Variants in PDZRN3 observed in about 807,000 individuals in gnomAD.
PDZRN3 encodes the protein PDZ domain containing ring finger 3, also known as E3 ubiquitin-protein ligase PDZRN3.
A neutral mutation model predicts 85.7 loss-of-function variants in PDZRN3; 38 were observed. The ratio of observed to expected loss-of-function variants is 0.44; its 90% CI spans 0.34 to 0.58. PDZRN3 has a LOEUF of 0.58. Among genes scored for constraint, PDZRN3 ranks in the 20% least tolerant of loss-of-function variants. The pLI is 0.01. For synonymous variants in PDZRN3, 759 were observed against 638.0 expected, an observed-to-expected ratio of 1.19 and a Z score of -2.86; for missense variants, 1,629 against 1,506.4, an observed-to-expected ratio of 1.08 and a Z score of -1.35.
intron 3 of PDZRN3, among the ~76,000 whole-genome samples, chr3:73,475,804 A>C (rs1703437822): frequency 6.6e-6 from 1 of 152,240 alleles, no homozygotes; most frequent in Non-Finnish European, 1.5e-5. Flanking sequence ...TATTAAAGTA[A>C]AAGCTGGAGT....
intron 3 of PDZRN3, among the ~76,000 whole-genome samples, chr3:73,414,631 T>G (rs1235346033): frequency 6.6e-6 from 1 of 152,234 alleles, no homozygotes; most frequent in African/African-American, 2.4e-5. Context: ...TTTTAGTGGT[T>G]CAAAACAAAC....
At chr3:73,469,011 A>T (rs189796891) in intron 3 of PDZRN3, among the ~76,000 whole-genome samples, 1 of 151,852 alleles carries the variant, frequency 6.6e-6, no homozygotes, top group African/African-American at 2.4e-5. Context: ...GATTATACTT[A>T]TTATTACTAG....
chr3:73,445,046 G>T (rs1702721151), intron 3 of PDZRN3, among the ~76,000 whole-genome samples: 1 of 152,256 alleles, frequency 6.6e-6, no homozygotes, highest in African/African-American at 2.4e-5. Context: ...CTGAAGTGAA[G>T]CAGGAAGGTA....
chr3:73,516,104 T>A (rs2106717938), intron 3 of PDZRN3, among the ~76,000 whole-genome samples: 1 of 152,354 alleles, frequency 6.6e-6, no homozygotes, highest in East Asian at 1.9e-4. Context: ...ATTTAACATT[T>A]ATCTTGTTTC....
chr3:73,465,966 G>A (rs1703204431), intron 3 of PDZRN3, among the ~76,000 whole-genome samples: 1 of 152,140 alleles, frequency 6.6e-6, no homozygotes, highest in South Asian at 2.1e-4. Flanking sequence ...AAAACAAGTA[G>A]ACCTTAAAAT....
intron 3 of PDZRN3, among the ~76,000 whole-genome samples, chr3:73,420,282 G>A (rs1223059567): frequency 6.6e-6 from 1 of 152,158 alleles, no homozygotes; most frequent in African/African-American, 2.4e-5. Context: ...ACTTGGCACT[G>A]GCCACCCCAA....
chr3:73,543,034 G>A (rs749467622), intron 3 of PDZRN3, among the ~76,000 whole-genome samples: 1 of 152,108 alleles, frequency 6.6e-6, no homozygotes, highest in Non-Finnish European at 1.5e-5. Context: ...ATTTTACCTG[G>A]ATAAATGCAA....
At position 73,489,767 on chromosome 3, in the gene PDZRN3, T is replaced by C. The variant is rs370706192; in HGVS notation, c.919-85372A>G. On this transcript the variant is annotated intron_variant, in intron 3 of 9. Transcript: ENST00000263666. ...TTTGTATTTTTAGTAGAGATGGTGT[T>C]TCATCAGTTGGCCAGGCTGGTCTCC... Among the ~76,000 whole-genome samples the C allele has an allele frequency of 2.0e-5, 3 of 152,012 alleles. No individual in the cohort carries two copies. In the South Asian group the frequency reaches 6.2e-4, roughly 32 times the overall value.
At chr3:73,591,156 C>T (rs1350670570) in intron 3 of PDZRN3, among the ~76,000 whole-genome samples, 1 of 152,128 alleles carries the variant, frequency 6.6e-6, no homozygotes, top group Admixed American at 6.6e-5. Context: ...AGAAACTAAA[C>T]TATTTCAATT....
intron 3 of PDZRN3, among the ~76,000 whole-genome samples, chr3:73,462,205 G>A (rs1398698059): frequency 6.6e-6 from 1 of 152,142 alleles, no homozygotes; most frequent in Non-Finnish European, 1.5e-5. Flanking sequence ...AGGGTAATCA[G>A]CTCAGAACAA....
intron 3 of PDZRN3, among the ~76,000 whole-genome samples, chr3:73,461,337 T>C (rs1044001585): frequency 3.0e-4 from 45 of 152,324 alleles, no homozygotes; most frequent in African/African-American, 1.0e-3. Context: ...TTGCAGATAA[T>C]TCAGGAAGCT....
At position 73,456,506 on chromosome 3, in the gene PDZRN3, T is replaced by TA. The variant is rs545516874; in HGVS notation, c.919-52112dup. Among the ~76,000 whole-genome samples, 26 of 152,336 alleles carry TA rather than the reference T, an allele frequency of 1.7e-4. No individual in the cohort carries two copies. In the South Asian group the frequency reaches 5.4e-3, roughly 32 times the overall value. On this transcript the variant is annotated intron_variant, in intron 3 of 9. Coordinates refer to ENST00000263666, the MANE Select transcript of PDZRN3 (RefSeq NM_015009.3). Reference sequence around the variant, plus strand: ...AAAGAAAAAATAAAATTATTCTTTTTAAAAAACTATCTGCCTTAAGTCCTG... The same window carrying TA: ...AAAGAAAAAATAAAATTATTCTTTTTAAAAAAACTATCTGCCTTAAGTCCTG...
At chr3:73,491,588 G>C (rs1703771683) in intron 3 of PDZRN3, among the ~76,000 whole-genome samples, 1 of 12,030 alleles carries the variant, frequency 8.3e-5, no homozygotes, top group South Asian at 9.3e-3. Context: ...TTGTGTGGAA[G>C]GTTCCTTTTT....
intron 3 of PDZRN3, among the ~76,000 whole-genome samples, chr3:73,414,368 CTTGTGGAT>C (rs1393419053): frequency 6.6e-6 from 1 of 152,110 alleles, no homozygotes; most frequent in Non-Finnish European, 1.5e-5. Context: ...TTTCCTGGGT[CTTGTGGAT>C]TTGTGTTTCA....
At chr3:73,518,015 C>T (rs977393657) in intron 3 of PDZRN3, among the ~76,000 whole-genome samples, 1 of 152,096 alleles carries the variant, frequency 6.6e-6, no homozygotes. Flanking sequence ...GGTATATACC[C>T]AAAAGAATGG....
chr3:73,624,061 A>G (rs993325167), intron 1 of PDZRN3, 42 bp downstream of exon 1: 5 of 1,399,928 alleles, frequency 3.6e-6, no homozygotes, highest in Middle Eastern at 2.6e-4. Context: ...CTGGGTCCCC[A>G]GGGATCCTGG....
At chr3:73,413,472 G>A (rs9845864) in intron 3 of PDZRN3, among the ~76,000 whole-genome samples, 4,348 of 152,188 alleles carry the variant, frequency 0.029, 228 homozygotes, top group African/African-American at 0.099. Context: ...ATTTCATCCC[G>A]TCTTCAGAAT....
chr3:73,382,857 G>A lies in PDZRN3; in HGVS notation c.*508C>T, dbSNP rs1444561084. The A allele has an allele frequency of 6.5e-6, 1 of 154,310 alleles. No homozygotes were observed. Among genetic ancestry groups the A allele is most frequent in the Non-Finnish European group, 1.4e-5 (1 of 69,160 alleles). 9.6% of individuals were successfully genotyped at this position (154,310 alleles called of 1,614,324 possible). A position where few individuals can be genotyped will look rare whatever the true frequency, so the allele number is the denominator to read the frequency against. On this transcript the variant is annotated 3_prime_UTR_variant, in exon 10 of 10. Coordinates refer to ENST00000263666, the MANE Select transcript of PDZRN3 (RefSeq NM_015009.3). ...GTATTAAATCGTTAACCACCGGGTTGGGTGGTTTTGAGTTGAAACCTTCAC... is the reference window on the plus strand; with the variant it reads ...GTATTAAATCGTTAACCACCGGGTTAGGTGGTTTTGAGTTGAAACCTTCAC...
chr3:73,568,270 CTTTTT>C (rs200481607), intron 3 of PDZRN3, among the ~76,000 whole-genome samples: 2 of 151,248 alleles, frequency 1.3e-5, no homozygotes, highest in African/African-American at 4.9e-5. Flanking sequence ...ACAGGAAAGT[CTTTTT>C]TTTTCTTTTT....
Sources: allele counts gnomAD v4.1 joint callset (sites outside exome capture counted in the v4.1 genomes callset), GRCh38; gene constraint gnomAD v4.1.1; transcripts MANE v1.5; gene names NCBI Gene and HGNC (gene_info 2026-07-23, HGNC 2026-07-21).